The following SCAMP1 variants were observed in gnomAD, a reference collection of about 807,000 sequenced individuals.
The protein encoded by SCAMP1 is secretory carrier-associated membrane protein 1.
SCAMP1 carries 15 observed loss-of-function variants against 41.8 expected under a neutral mutation model. The observed-to-expected ratio is 0.36, with a 90% CI of 0.24 to 0.55. The LOEUF (loss-of-function observed/expected upper bound fraction) is 0.55, where lower values mean the gene tolerates loss of function less well. SCAMP1 is among the 20% of genes least tolerant of loss of function. The probability of loss-of-function intolerance (pLI) is 0.86; values close to 1 mark genes in which losing one functional copy is unlikely to be tolerated. For synonymous variants in SCAMP1, 135 were observed against 136.8 expected (o/e 0.99, Z 0.09); for missense variants, 341 against 412.6 (o/e 0.83, Z 1.50).
Position 78,421,950 on chromosome 5 carries a change from G to C in SCAMP1, c.622G>C (p.Gly208Arg). 3.1e-6 allele frequency: 5 copies of C among 1,611,148 alleles called. No homozygotes were observed. Among genetic ancestry groups the C allele is most frequent in the Non-Finnish European group, 4.2e-6 (5 of 1,178,798 alleles). The stretch of plus-strand genomic sequence containing the variant: ...TGTCTGTTGGTACAGACCACTTTAT[G>C]GAGCTTTCAGGTAAAATGTGTGTAC... ...SFVCWYRPLY[G>R]AFRSDSSFRF... Residue 208 changes from glycine to arginine, a missense_variant, in exon 6 of 9, where the codon GGA (glycine) becomes CGA (arginine). By Grantham distance (125) the Gly-to-Arg change is moderately radical (BLOSUM62 -2). Transcript: ENST00000621999.
In SCAMP1 at chr5:78,430,141, A is replaced by ATTTATAAATACT. The variant is rs1561272862; in HGVS notation, c.632+8181_632+8182insTTTATAAATACT. 8.0e-4 allele frequency among the ~76,000 whole-genome samples: 7 copies of ATTTATAAATACT among 8,746 alleles called. 1 individual carries two copies. The highest frequency in any genetic ancestry group is 1.7e-3 in the African/African-American group (6 of 3,444). 5.7% of individuals were successfully genotyped at this position (8,746 alleles called of 152,430 possible). Reference sequence around the variant, plus strand: ...AAATACAGTATTTATTTATAAATACAGTATTTATTTATAAATACAGTATTT... The same window carrying ATTTATAAATACT: ...AAATACAGTATTTATTTATAAATACATTTATAAATACTGTATTTATTTATAAATACAGTATTT... On this transcript the variant is annotated intron_variant, in intron 6 of 8. Transcript: ENST00000621999.
chr5:78,413,952 T>C (rs553593816), intron 2 of SCAMP1, among the ~76,000 whole-genome samples: 1 of 152,186 alleles, frequency 6.6e-6, no homozygotes, highest in Admixed American at 6.5e-5. Context: ...CCTCTTCTCT[T>C]TCTTTCCTTT....
intron 1 of SCAMP1, among the ~76,000 whole-genome samples, chr5:78,378,645 A>G (rs370459678): frequency 4.5e-4 from 68 of 152,370 alleles, no homozygotes; most frequent in African/African-American, 1.6e-3. Flanking sequence ...GTAACACTGT[A>G]AAGTTAAGTG....
intron 1 of SCAMP1, among the ~76,000 whole-genome samples, chr5:78,379,795 T>G (rs139852101): frequency 2.6e-5 from 4 of 152,338 alleles, no homozygotes; most frequent in African/African-American, 9.6e-5. Context: ...TCTGTGGCAC[T>G]GAGAGAATGA....
intron 1 of SCAMP1, among the ~76,000 whole-genome samples, chr5:78,368,303 A>G (rs577769304): frequency 8.5e-5 from 13 of 152,326 alleles, no homozygotes; most frequent in African/African-American, 3.1e-4. Context: ...GTGCCACGTG[A>G]CAAAACTAAG....
chr5:78,414,327 G>C lies in SCAMP1; in HGVS notation c.136-1193G>C, dbSNP rs545589381. ...AGATGGAGTCTTGCTCTGTCTCCCA[G>C]GCTGGAGTGCAGTGGTGCGATCTTA... On this transcript the variant is annotated intron_variant, in intron 2 of 8. Coordinates refer to ENST00000621999, the MANE Select transcript of SCAMP1 (RefSeq NM_004866.6). Among the ~76,000 whole-genome samples, 165 of 151,762 alleles carry C rather than the reference G, an allele frequency of 1.1e-3. 1 individual carries two copies. Among genetic ancestry groups the C allele is most frequent in the African/African-American group, 3.9e-3 (160 of 41,380 alleles).
intron 2 of SCAMP1, among the ~76,000 whole-genome samples, chr5:78,392,407 C>T (rs1163654215): frequency 6.6e-6 from 1 of 152,164 alleles, no homozygotes; most frequent in African/African-American, 2.4e-5. Flanking sequence ...CTAGTGCTAT[C>T]TTTGGAGATA....
At chr5:78,396,947 G>A (rs1193442260) in intron 2 of SCAMP1, among the ~76,000 whole-genome samples, 2 of 152,144 alleles carry the variant, frequency 1.3e-5, no homozygotes, top group East Asian at 3.8e-4. Context: ...CCTTACTAAA[G>A]TATCTTTAAG....
At chr5:78,410,462 C>T (rs1053286107) in intron 2 of SCAMP1, among the ~76,000 whole-genome samples, 1 of 152,164 alleles carries the variant, frequency 6.6e-6, no homozygotes, top group Admixed American at 6.5e-5. Flanking sequence ...GATATCCCTG[C>T]TAAGGACATG....
At chr5:78,384,656 T>G (rs1751298766) in intron 1 of SCAMP1, among the ~76,000 whole-genome samples, 1 of 151,586 alleles carries the variant, frequency 6.6e-6, no homozygotes, top group Admixed American at 6.6e-5. Context: ...TGAGGCTTTT[T>G]CACAAAGGGA....
rs77798930 is a variant in SCAMP1 at position 78,371,991 on chromosome 5, A to C, written c.57+11263A>C. 3.6e-3 allele frequency among the ~76,000 whole-genome samples: 554 copies of C among 152,326 alleles called. 6 individuals carry two copies. Among genetic ancestry groups the C allele is most frequent in the African/African-American group, 0.013 (534 of 41,578 alleles). On this transcript the variant is annotated intron_variant, in intron 1 of 8. Transcript: ENST00000621999. ...CTTGATTGATAGTAGAAGAAAACAC[A>C]AAACATTTGAATGCAAATAATTTAG...
chr5:78,371,167 G>T (rs10057953), intron 1 of SCAMP1, among the ~76,000 whole-genome samples: 143,953 of 152,254 alleles, frequency 0.95, 68,257 homozygotes, highest in Non-Finnish European at 0.97. Context: ...GCTTTTAATT[G>T]TGTTAAGTTC....
intron 2 of SCAMP1, among the ~76,000 whole-genome samples, chr5:78,406,750 AC>A (rs1435965984): frequency 1.3e-5 from 2 of 152,156 alleles, no homozygotes; most frequent in Non-Finnish European, 2.9e-5. Context: ...AATAATTATA[AC>A]CCTTATTTTT....
At chr5:78,450,629 A>G (rs896880897) in intron 7 of SCAMP1, among the ~76,000 whole-genome samples, 14 of 152,278 alleles carry the variant, frequency 9.2e-5, no homozygotes, top group African/African-American at 3.4e-4. Context: ...TTCTGATGCA[A>G]ACATTCCTTG....
intron 2 of SCAMP1, among the ~76,000 whole-genome samples, chr5:78,415,036 C>T (rs1265734968): frequency 6.6e-6 from 1 of 151,682 alleles, no homozygotes; most frequent in African/African-American, 2.4e-5. Flanking sequence ...TCACTGCAGC[C>T]TCCACCTCCC....
Position 78,475,722 on chromosome 5 carries a change from C to A in SCAMP1, c.*54C>A. 6 of 1,313,710 alleles carry A rather than the reference C, an allele frequency of 4.6e-6. No individual in the cohort carries two copies. Among genetic ancestry groups the A allele is most frequent in the Non-Finnish European group, 6.1e-6 (6 of 990,400 alleles). 81.4% of individuals were successfully genotyped at this position (1,313,710 alleles called of 1,614,324 possible). A position where few individuals can be genotyped will look rare whatever the true frequency, so the allele number is the denominator to read the frequency against. On this transcript the variant is annotated 3_prime_UTR_variant, in exon 9 of 9. Transcript: ENST00000621999. ...TTGACTGTACCTTTTTCTCCAGTTACTGTATTCTACAAATATTTTTATGTT... is the reference window on the plus strand; with the variant it reads ...TTGACTGTACCTTTTTCTCCAGTTAATGTATTCTACAAATATTTTTATGTT...
chr5:78,447,962 C>G, intron 6 of SCAMP1, among the ~76,000 whole-genome samples: 1 of 48,930 alleles, frequency 2.0e-5, no homozygotes, highest in African/African-American at 9.0e-5. Context: ...TCCCTGTCCT[C>G]CCTCTCCTCC....
intron 6 of SCAMP1, among the ~76,000 whole-genome samples, chr5:78,436,206 A>G (rs1027374260): frequency 1.3e-5 from 2 of 152,060 alleles, no homozygotes; most frequent in Non-Finnish European, 2.9e-5. Flanking sequence ...TTCTTTTGCC[A>G]TGCAGAAGCT....
At chr5:78,385,029 A>G (rs1751308643) in intron 1 of SCAMP1, among the ~76,000 whole-genome samples, 1 of 152,138 alleles carries the variant, frequency 6.6e-6, no homozygotes, top group Non-Finnish European at 1.5e-5. Context: ...ATTGATACCA[A>G]TTCTTCATTG....
Sources: allele counts gnomAD v4.1 joint callset (sites outside exome capture counted in the v4.1 genomes callset), GRCh38; gene constraint gnomAD v4.1.1; transcripts MANE v1.5; gene names NCBI Gene and HGNC (gene_info 2026-07-23, HGNC 2026-07-21).